The following CRB1 variants were observed in gnomAD, a reference collection of about 807,000 sequenced individuals.
CRB1 encodes the protein crumbs cell polarity complex component 1.
In CRB1, 83 loss-of-function variants were observed where a neutral mutation model predicts 120.0. The ratio of observed to expected loss-of-function variants is 0.69; its 90% CI spans 0.58 to 0.83. The LOEUF (loss-of-function observed/expected upper bound fraction) is 0.83, where lower values mean the gene tolerates loss of function less well. Ranked by LOEUF, CRB1 falls within the 40% of genes least tolerant of loss-of-function variation. CRB1 has a pLI of 0.00. For missense variants in CRB1, 1,699 were observed against 1,687.6 expected, an observed-to-expected ratio of 1.01 and a Z score of -0.12; for synonymous variants, 625 against 612.5, an observed-to-expected ratio of 1.02 and a Z score of -0.30.
chr1:197,316,828 A>G (rs529153821), intron 1 of CRB1, among the ~76,000 whole-genome samples: 2 of 152,156 alleles, frequency 1.3e-5, no homozygotes, highest in African/African-American at 2.4e-5. Context: ...AAATCAACAT[A>G]CAAAAATCAG....
At chr1:197,337,774 C>T (rs900229207) in intron 2 of CRB1, among the ~76,000 whole-genome samples, 4 of 151,932 alleles carry the variant, frequency 2.6e-5, no homozygotes, top group South Asian at 4.2e-4. Context: ...AACTGAAGTT[C>T]GGTCAAAATC....
chr1:197,314,415 C>T (rs1032590603), intron 1 of CRB1, among the ~76,000 whole-genome samples: 2 of 151,978 alleles, frequency 1.3e-5, no homozygotes, highest in African/African-American at 2.4e-5. Flanking sequence ...TCATTGTTTA[C>T]TCATATTCAT....
At chr1:197,252,580 A>ATGTGTGTG in the CRB1 span, among the ~76,000 whole-genome samples, 236 of 22,294 alleles carry the variant, frequency 0.011, no homozygotes, top group Non-Finnish European at 0.019. Context: ...ATATATATAT[A>ATGTGTGTG]TATGTGTGTG....
the CRB1 span, among the ~76,000 whole-genome samples, chr1:197,254,317 A>G: frequency 0.97 from 147,579 of 152,078 alleles, 71,632 homozygotes; most frequent in Middle Eastern, 1. Context: ...CACAGAATCT[A>G]TGCAATCATT....
Position 197,420,867 on chromosome 1 carries a change from T to C in CRB1, c.1172-133T>C, listed in dbSNP as rs142264063. The C allele has an allele frequency of 1.2e-3, 818 of 694,894 alleles. 8 individuals are homozygous for C. The East Asian group carries it at 0.02, about 17-fold the overall frequency. The allele number at this position is 694,894 out of a possible 1,614,324, so 43.0% of individuals were successfully genotyped here. A position where few individuals can be genotyped will look rare whatever the true frequency, so the allele number is the denominator to read the frequency against. On this transcript the variant is annotated intron_variant, in intron 5 of 11. Transcript: ENST00000367400. ...ATTTTACTTTTCCTTATTAAGTGTT[T>C]ACATTTTACTCCATTACAGTCCTAA...
intron 11 of CRB1, among the ~76,000 whole-genome samples, chr1:197,469,937 T>C (rs1666909197): frequency 6.6e-6 from 1 of 152,178 alleles, no homozygotes; most frequent in African/African-American, 2.4e-5. Context: ...TCCTTGGTCA[T>C]ATTATCCCTT....
intron 5 of CRB1, among the ~76,000 whole-genome samples, chr1:197,418,530 A>T (rs2125463090): frequency 6.6e-6 from 1 of 152,334 alleles, no homozygotes; most frequent in Middle Eastern, 3.4e-3. Flanking sequence ...CTTGTATGAA[A>T]GTAATCCCAG....
the CRB1 span, chr1:197,223,399 G>T: frequency 6.3e-6 from 3 of 479,768 alleles, no homozygotes; most frequent in East Asian, 3.6e-5. Flanking sequence ...TGTGCCTATG[G>T]TTTTTTTTAG....
the CRB1 span, among the ~76,000 whole-genome samples, chr1:197,231,715 C>A: frequency 5.3e-5 from 8 of 152,144 alleles, no homozygotes; most frequent in Non-Finnish European, 1.2e-4. Context: ...GGAAAGATCA[C>A]CAGATACCTA....
intron 2 of CRB1, among the ~76,000 whole-genome samples, chr1:197,332,741 C>G (rs1658936455): frequency 6.6e-6 from 1 of 152,132 alleles, no homozygotes; most frequent in Admixed American, 6.5e-5. Context: ...AATGTATAGC[C>G]AGGGCTGGCG....
intron 1 of CRB1, among the ~76,000 whole-genome samples, chr1:197,307,208 A>G (rs1657225170): frequency 6.6e-6 from 1 of 152,178 alleles, no homozygotes; most frequent in African/African-American, 2.4e-5. Context: ...ACTTCAGACT[A>G]AGAATCAGTA....
intron 2 of CRB1, among the ~76,000 whole-genome samples, chr1:197,334,641 C>A (rs776218838): frequency 6.6e-6 from 1 of 152,084 alleles, no homozygotes; most frequent in African/African-American, 2.4e-5. Flanking sequence ...TTTAAACATC[C>A]GGAGCTAAGA....
chr1:197,442,235 C>G lies in CRB1; in HGVS notation c.3948C>G (p.Leu1316=). ...CVNGGLCQDL[L]NKFQCLCDVA... The stretch of plus-strand genomic sequence containing the variant: ...ATGGAGGTCTGTGCCAGGACTTACT[C>G]AACAAATTCCAGTGCCTCTGTGATG... The change falls in exon 11 of 12, where the codon CTC becomes CTG. Residue 1316 remains leucine (L), a synonymous_variant. Coordinates refer to ENST00000367400, the MANE Select transcript of CRB1 (RefSeq NM_201253.3). 6.2e-7 allele frequency: 1 copy of G among 1,614,148 alleles called. No individual in the cohort carries two copies. Among genetic ancestry groups the G allele is most frequent in the Non-Finnish European group, 8.5e-7 (1 of 1,180,020 alleles).
intron 5 of CRB1, among the ~76,000 whole-genome samples, chr1:197,389,365 A>C (rs1178058026): frequency 6.6e-6 from 1 of 152,192 alleles, no homozygotes; most frequent in Non-Finnish European, 1.5e-5. Context: ...CAGGCTTAAA[A>C]AGCAAGGACA....
chr1:197,261,124 AT>A, the CRB1 span, among the ~76,000 whole-genome samples: 1 of 152,228 alleles, frequency 6.6e-6, no homozygotes, highest in Non-Finnish European at 1.5e-5. Flanking sequence ...CAAATTTAAA[AT>A]TTCAAGTTTT....
At chr1:197,422,153 A>G (rs1229446287) in intron 6 of CRB1, among the ~76,000 whole-genome samples, 197 bp downstream of exon 6, 1 of 152,240 alleles carries the variant, frequency 6.6e-6, no homozygotes, top group Non-Finnish European at 1.5e-5. Context: ...GATTCATAGG[A>G]CATCAGTTTC....
chr1:197,210,214 C>T, the CRB1 span, among the ~76,000 whole-genome samples: 117 of 152,216 alleles, frequency 7.7e-4, no homozygotes, highest in African/African-American at 2.6e-3. Context: ...TTTTATTTGT[C>T]AACTTGGCTA....
At chr1:197,460,628 A>C (rs1170915061) in intron 11 of CRB1, among the ~76,000 whole-genome samples, 1 of 152,168 alleles carries the variant, frequency 6.6e-6, no homozygotes, top group Non-Finnish European at 1.5e-5. Flanking sequence ...GCTGAAACGA[A>C]GGCCCAAAGA....
chr1:197,454,428 T>C (rs958051034), intron 11 of CRB1, among the ~76,000 whole-genome samples: 1 of 152,176 alleles, frequency 6.6e-6, no homozygotes, highest in African/African-American at 2.4e-5. Flanking sequence ...TTTTCATACA[T>C]TATTAAGATT....
Sources: gnomAD v4.1 joint callset for allele counts (sites outside exome capture counted in the v4.1 genomes callset) on GRCh38, gnomAD v4.1.1 for gene constraint, MANE v1.5 for transcripts, NCBI Gene and HGNC (gene_info 2026-07-23, HGNC 2026-07-21) for gene names.